The following BCAR3 variants were observed in gnomAD, a reference collection of about 807,000 sequenced individuals.
BCAR3 encodes the protein BCAR3 adaptor protein, NSP family member.
In BCAR3, 37 loss-of-function variants were observed where a neutral mutation model predicts 80.1. The ratio of observed to expected loss-of-function variants is 0.46; its 90% CI spans 0.36 to 0.61. The LOEUF is 0.61. Among genes scored for constraint, BCAR3 ranks in the 20% least tolerant of loss-of-function variants. The pLI, the probability that BCAR3 is intolerant of heterozygous loss-of-function variation, is 0.00. For synonymous variants in BCAR3, 389 were observed against 418.9 expected, an observed-to-expected ratio of 0.93 and a Z score of 0.87; for missense variants, 978 against 1,068.2, an observed-to-expected ratio of 0.92 and a Z score of 1.18.
chr1:93,750,503 T>C (rs955609022), intron 2 of BCAR3, among the ~76,000 whole-genome samples: 2 of 152,228 alleles, frequency 1.3e-5, no homozygotes, highest in African/African-American at 2.4e-5. Flanking sequence ...AGTCTTCCCA[T>C]CCAGAGCTGC....
intron 3 of BCAR3, among the ~76,000 whole-genome samples, chr1:93,636,692 G>A (rs1032034759): frequency 6.6e-6 from 1 of 152,034 alleles, no homozygotes; most frequent in African/African-American, 2.4e-5. Flanking sequence ...AAATCACCCA[G>A]CCCTGCCCTA....
intron 2 of BCAR3, among the ~76,000 whole-genome samples, chr1:93,838,752 T>G (rs1654857298): frequency 6.6e-6 from 1 of 152,162 alleles, no homozygotes; most frequent in Non-Finnish European, 1.5e-5. Context: ...AGGGCAGACA[T>G]TCCAAGCAAG....
intron 2 of BCAR3, among the ~76,000 whole-genome samples, chr1:93,785,978 G>C (rs1652923943): frequency 1.7e-5 from 2 of 115,730 alleles, no homozygotes; most frequent in African/African-American, 9.3e-5. Flanking sequence ...CGGATCATGA[G>C]GTCAGGAGAT....
rs370836377 is a variant in BCAR3 at position 93,608,907 on chromosome 1, G to A, written c.358-16514C>T. ...TCCTGCAAGGCTTCTTCCACCTTGC[G>A]CAGCTCGTGCTGATGGTGCATCTGC... On this transcript the variant is annotated intron_variant, in intron 3 of 11. Coordinates refer to ENST00000260502, the MANE Select transcript of BCAR3 (RefSeq NM_003567.4). Among the ~76,000 whole-genome samples, 11 of 152,330 alleles carry A rather than the reference G, an allele frequency of 7.2e-5. 1 individual carries two copies. Among genetic ancestry groups the A allele is most frequent in the Admixed American group, 2.6e-4 (4 of 15,296 alleles).
chr1:93,713,895 C>T (rs954736282), intron 2 of BCAR3, among the ~76,000 whole-genome samples: 4 of 152,224 alleles, frequency 2.6e-5, no homozygotes, highest in African/African-American at 9.6e-5. Flanking sequence ...ATTCATTCAT[C>T]CATCCACAAA....
chr1:93,668,135 G>A (rs564189610), intron 2 of BCAR3, among the ~76,000 whole-genome samples: 6 of 152,298 alleles, frequency 3.9e-5, no homozygotes, highest in African/African-American at 1.4e-4. Context: ...GTCCTGGGGT[G>A]GGAGTGAGGA....
chr1:93,842,519 G>A (rs563578852), intron 2 of BCAR3, among the ~76,000 whole-genome samples: 2 of 152,150 alleles, frequency 1.3e-5, no homozygotes, highest in South Asian at 4.2e-4. Flanking sequence ...TATGCCCCAA[G>A]GTCACTACTG....
At chr1:93,846,001 A>C (rs900742978) in intron 1 of BCAR3, among the ~76,000 whole-genome samples, 1 of 152,160 alleles carries the variant, frequency 6.6e-6, no homozygotes, top group Admixed American at 6.5e-5. Context: ...AACATAACAA[A>C]ATATGATTCA....
chr1:93,730,259 A>G (rs1650737300), intron 2 of BCAR3, among the ~76,000 whole-genome samples: 1 of 152,176 alleles, frequency 6.6e-6, no homozygotes, highest in Middle Eastern at 3.4e-3. Context: ...ACGTCCACAG[A>G]GAGGCCTTCA....
chr1:93,755,622 C>A (rs1362056168), intron 2 of BCAR3, among the ~76,000 whole-genome samples: 3 of 152,124 alleles, frequency 2.0e-5, no homozygotes, highest in Non-Finnish European at 4.4e-5. Context: ...GCAGGTTATA[C>A]CATCTAGGTT....
In BCAR3 at chr1:93,727,624, A is replaced by G. The variant is rs1054611343; in HGVS notation, c.-62-21482T>C. On this transcript the variant is annotated intron_variant, in intron 2 of 13. Transcript: ENST00000370244. ...CTGCACACTTTAGGTCAAACCATCA[A>G]CTCTAAAAAATTACCATTACAGAAG... is the stretch of plus-strand genomic sequence containing the variant. Among the ~76,000 whole-genome samples the G allele has an allele frequency of 2.0e-5, 3 of 152,158 alleles. No homozygotes were observed. In the East Asian group the frequency reaches 5.8e-4, roughly 29 times the overall value.
At chr1:93,788,167 G>A (rs1653018501) in intron 2 of BCAR3, among the ~76,000 whole-genome samples, 1 of 151,942 alleles carries the variant, frequency 6.6e-6, no homozygotes, top group South Asian at 2.1e-4. Context: ...TATTTCTGTG[G>A]AATGTCTTTT....
chr1:93,825,428 C>A (rs538763183), intron 2 of BCAR3, among the ~76,000 whole-genome samples: 1 of 133,906 alleles, frequency 7.5e-6, no homozygotes, highest in African/African-American at 2.5e-5. Flanking sequence ...GTTTTGCAGG[C>A]TTGAGCTCCT....
At chr1:93,811,226 G>A (rs1300843892) in intron 2 of BCAR3, among the ~76,000 whole-genome samples, 1 of 152,180 alleles carries the variant, frequency 6.6e-6, no homozygotes, top group Non-Finnish European at 1.5e-5. Context: ...CCCTGAAGGT[G>A]TGGGACATCC....
chr1:93,714,625 G>A (rs1650134616), intron 2 of BCAR3, among the ~76,000 whole-genome samples: 4 of 151,838 alleles, frequency 2.6e-5, no homozygotes, highest in Admixed American at 1.3e-4. Flanking sequence ...ATCCCTCTTG[G>A]CTTTACTTGT....
In BCAR3 at chr1:93,593,961, G is replaced by C. The variant is rs377425591; in HGVS notation, c.358-1568C>G. Reference sequence around the variant, plus strand: ...GATGGAATTTGCATCAAAGAGATGCGGACGCTGGCTGTCCAGGGTGCCTGC... The same window carrying C: ...GATGGAATTTGCATCAAAGAGATGCCGACGCTGGCTGTCCAGGGTGCCTGC... On this transcript the variant is annotated intron_variant, in intron 3 of 11. Transcript: ENST00000260502. Among the ~76,000 whole-genome samples the C allele has an allele frequency of 7.2e-5, 11 of 152,278 alleles. No individual in the cohort carries two copies. In the East Asian group the frequency reaches 1.7e-3, roughly 24 times the overall value.
chr1:93,600,197 C>A (rs1215709702), intron 3 of BCAR3, among the ~76,000 whole-genome samples: 1 of 152,258 alleles, frequency 6.6e-6, no homozygotes, highest in Middle Eastern at 3.2e-3. Flanking sequence ...GGGGCGCAGA[C>A]CCCAGTCCTG....
At chr1:93,814,104 G>T (rs1377728423) in intron 2 of BCAR3, among the ~76,000 whole-genome samples, 1 of 152,146 alleles carries the variant, frequency 6.6e-6, no homozygotes, top group East Asian at 1.9e-4. Flanking sequence ...GGAGCACATG[G>T]TGACATATGC....
At chr1:93,673,774 T>C (rs1648331893) in intron 2 of BCAR3, among the ~76,000 whole-genome samples, 1 of 152,254 alleles carries the variant, frequency 6.6e-6, no homozygotes. Flanking sequence ...GCTGACCTGC[T>C]GGTGCATCCA....
Sources: gnomAD v4.1 joint callset for allele counts (sites outside exome capture counted in the v4.1 genomes callset) on GRCh38, gnomAD v4.1.1 for gene constraint, MANE v1.5 for transcripts, NCBI Gene and HGNC (gene_info 2026-07-23, HGNC 2026-07-21) for gene names.